The following SPTAN1 variants were observed in gnomAD, a reference collection of about 807,000 sequenced individuals.
SPTAN1 encodes the protein spectrin alpha chain, non-erythrocytic 1.
SPTAN1 carries 61 observed loss-of-function variants against 331.3 expected under a neutral mutation model. That is an observed-to-expected ratio of 0.18 (90% CI 0.15 to 0.23). SPTAN1 has a LOEUF of 0.23. Among genes scored for constraint, SPTAN1 ranks in the 10% least tolerant of loss-of-function variants. The probability of loss-of-function intolerance (pLI) is 1.00; values close to 1 mark genes in which losing one functional copy is unlikely to be tolerated. For synonymous variants in SPTAN1, 1,153 were observed against 1,173.9 expected, an observed-to-expected ratio of 0.98 and a Z score of 0.36; for missense variants, 2,043 against 3,147.9, an observed-to-expected ratio of 0.65 and a Z score of 8.40.
At chr9:128,565,922 T>A (rs1373620735) in intron 1 of SPTAN1, among the ~76,000 whole-genome samples, 1 of 152,190 alleles carries the variant, frequency 6.6e-6, no homozygotes, top group Non-Finnish European at 1.5e-5. Context: ...ACATTTTTAG[T>A]CACTTTAGGA....
At chr9:128,575,054 G>T (rs1030201530) in intron 4 of SPTAN1, 145 bp from the exon 5 acceptor site, 10 of 1,294,448 alleles carry the variant, frequency 7.7e-6, no homozygotes, top group Non-Finnish European at 1.0e-5. Flanking sequence ...TTCTGTGGGA[G>T]GAACTAAAAT....
At chr9:128,613,271 A>G in intron 39 of SPTAN1, 110 bp from the exon 40 acceptor site, 1 of 843,602 alleles carries the variant, frequency 1.2e-6, no homozygotes, top group African/African-American at 1.7e-5. Flanking sequence ...ATGGAGAAGT[A>G]TTCAACTGTC....
intron 26 of SPTAN1, 167 bp downstream of exon 26, chr9:128,599,153 G>C: frequency 1.4e-6 from 1 of 735,412 alleles, no homozygotes; most frequent in Non-Finnish European, 2.4e-6. Context: ...CTTTTTTTTT[G>C]AGACGGAGTC....
chr9:128,587,493 C>A, intron 19 of SPTAN1, 113 bp from the exon 20 acceptor site: 1 of 818,148 alleles, frequency 1.2e-6, no homozygotes. Context: ...GAGGTGATTA[C>A]GTCATTGTGC....
chr9:128,556,065 CAA>C, intron 1 of SPTAN1, among the ~76,000 whole-genome samples: 1 of 152,004 alleles, frequency 6.6e-6, no homozygotes, highest in East Asian at 1.9e-4. Flanking sequence ...ACTAAAAATA[CAA>C]AAAATTAGCC....
chr9:128,622,687 C>A (rs1201186280), intron 45 of SPTAN1, among the ~76,000 whole-genome samples: 2 of 152,136 alleles, frequency 1.3e-5, no homozygotes, highest in African/African-American at 2.4e-5. Context: ...TTCCCCCTTT[C>A]CACAGGTGTT....
At chr9:128,568,694 G>A in intron 2 of SPTAN1, 78 bp from the exon 3 acceptor site, 1 of 1,595,604 alleles carries the variant, frequency 6.3e-7, no homozygotes, top group Non-Finnish European at 8.6e-7. Context: ...GAGGAGGGGA[G>A]GAACACGGGG....
intron 37 of SPTAN1, among the ~76,000 whole-genome samples, chr9:128,610,816 T>C (rs929112785): frequency 1.1e-4 from 17 of 152,278 alleles, no homozygotes; most frequent in African/African-American, 3.6e-4. Context: ...TCTGACAGTA[T>C]CCCAGTGTTT....
intron 52 of SPTAN1, 118 bp from the exon 53 acceptor site, chr9:128,632,009 T>G: frequency 9.7e-7 from 1 of 1,026,958 alleles, no homozygotes; most frequent in Non-Finnish European, 1.5e-6. Flanking sequence ...AGAATGTTCT[T>G]GTTTTACGAG....
intron 21 of SPTAN1, among the ~76,000 whole-genome samples, chr9:128,589,171 CAGA>C (rs1331350283): frequency 6.6e-6 from 1 of 152,126 alleles, no homozygotes; most frequent in Non-Finnish European, 1.5e-5. Context: ...TAATCACACT[CAGA>C]AGGATAGCTT....
chr9:128,629,518 C>CA lies in SPTAN1; in HGVS notation c.6708-802dup, dbSNP rs1859334212. 4.1e-6 allele frequency: 1 copy of CA among 244,004 alleles called. No homozygotes were observed. Among genetic ancestry groups the CA allele is most frequent in the Non-Finnish European group, 7.8e-6 (1 of 127,778 alleles). The allele number at this position is 244,004 out of a possible 1,614,324, so 15.1% of individuals were successfully genotyped here. A position where few individuals can be genotyped will look rare whatever the true frequency, so the allele number is the denominator to read the frequency against. On this transcript the variant is annotated intron_variant, in intron 51 of 56. Transcript: ENST00000372739. The surrounding 1 kb of genome is among the most constrained non-coding windows in gnomAD (Gnocchi z 4.9). Reference sequence around the variant, plus strand: ...GGGTAGGTTGGGGTGAATGTGGGTACAGGGGAGCCTGGGCTAAAACCCCAC... The same window carrying CA: ...GGGTAGGTTGGGGTGAATGTGGGTACAAGGGGAGCCTGGGCTAAAACCCCAC...
chr9:128,605,644 G>T (rs993314448), intron 31 of SPTAN1, among the ~76,000 whole-genome samples, 167 bp downstream of exon 31: 8 of 152,178 alleles, frequency 5.3e-5, no homozygotes, highest in Non-Finnish European at 1.2e-4. Context: ...AGGAGCCGGA[G>T]ACCAGCCTGG....
At chr9:128,584,245 C>T (rs759470235) in intron 16 of SPTAN1, 37 bp from the exon 17 acceptor site, 3 of 1,613,848 alleles carry the variant, frequency 1.9e-6, no homozygotes, top group Non-Finnish European at 2.5e-6. Flanking sequence ...AAAACCACAC[C>T]CAAAGTAAAG....
rs935890947 is a variant in SPTAN1, at chr9:128,603,459, G to A, written c.3580-84G>A. 1.5e-5 allele frequency: 22 copies of A among 1,483,292 alleles called. No individual in the cohort carries two copies. In the Admixed American group the frequency reaches 3.5e-4, roughly 24 times the overall value. The allele number at this position is 1,483,292 out of a possible 1,614,324, so 91.9% of individuals were successfully genotyped here. A position where few individuals can be genotyped will look rare whatever the true frequency, so the allele number is the denominator to read the frequency against. ...TAAGGTAATTTGGGTTAATCACAGG[G>A]ACCTAATCAATGACACTTGCAGCTC... On this transcript the variant is annotated intron_variant, in intron 27 of 56. Coordinates refer to ENST00000372739, the MANE Select transcript of SPTAN1 (RefSeq NM_001130438.3).
intron 45 of SPTAN1, among the ~76,000 whole-genome samples, chr9:128,623,896 A>T (rs918346740): frequency 6.6e-6 from 1 of 151,484 alleles, no homozygotes; most frequent in Non-Finnish European, 1.5e-5. Context: ...GACCAGCCTG[A>T]CCAACATGGT....
intron 52 of SPTAN1, chr9:128,631,841 G>A (rs925238652): frequency 2.3e-6 from 1 of 442,132 alleles, no homozygotes; most frequent in South Asian, 2.7e-5. Flanking sequence ...AAAATCTTTG[G>A]CCACTGCTTC....
intron 3 of SPTAN1, among the ~76,000 whole-genome samples, chr9:128,572,187 T>C (rs771856455): frequency 6.6e-6 from 1 of 152,200 alleles, no homozygotes; most frequent in Non-Finnish European, 1.5e-5. Context: ...CAACCTGTAC[T>C]TCATTCCTGT....
intron 26 of SPTAN1, chr9:128,599,513 G>A (rs1352954015): frequency 6.1e-6 from 1 of 163,774 alleles, no homozygotes; most frequent in African/African-American, 2.6e-5. Context: ...TTGTTTGTTT[G>A]TTTGTTTTTT....
rs371687713 is a variant in SPTAN1 at position 128,621,215 on chromosome 9, G to A, written c.5791G>A (p.Val1931Met). The A allele has an allele frequency of 3.1e-6, 5 of 1,613,924 alleles. No homozygotes were observed. The highest frequency in any genetic ancestry group is 1.7e-4 in the Middle Eastern group (1 of 5,988). ...AGACTTCACCGTCCACAAGGATCGC[G>A]TGAATGATGTCTGCACCAATGGACA... is the stretch of plus-strand genomic sequence containing the variant. The part of the protein sequence containing the change: ...ETDFTVHKDR[V>M]NDVCTNGQDL... Residue 1931 changes from valine to methionine, a missense_variant, in exon 45 of 57, where the codon GTG becomes ATG. Val to Met is a conservative substitution (Grantham distance 21). Around this residue, in one of 12 missense-constraint regions of SPTAN1, gnomAD observed 323 missense variants for 581.1 expected, o/e 0.56. Coordinates refer to ENST00000372739, the MANE Select transcript of SPTAN1 (RefSeq NM_001130438.3).
Sources: allele counts gnomAD v4.1 joint callset (sites outside exome capture counted in the v4.1 genomes callset), GRCh38; gene constraint gnomAD v4.1.1; regional missense constraint gnomAD v4.1.1; non-coding constraint Gnocchi (gnomAD v3.1); transcripts MANE v1.5; gene names NCBI Gene and HGNC (gene_info 2026-07-23, HGNC 2026-07-21).